Variants in TRNAU1AP observed in about 807,000 individuals in gnomAD.
TRNAU1AP encodes the protein tRNA selenocysteine 1 associated protein 1, also known as tRNA selenocysteine 1-associated protein 1.
In TRNAU1AP, 33 loss-of-function variants were observed where a neutral mutation model predicts 43.3. That is an observed-to-expected ratio of 0.76 (90% CI 0.58 to 1.02). TRNAU1AP has a LOEUF of 1.02. Among genes scored for constraint, TRNAU1AP ranks in the 50% least tolerant of loss-of-function variants. TRNAU1AP has a pLI of 0.00. For synonymous variants in TRNAU1AP, 143 were observed against 129.1 expected (o/e 1.11, Z -0.73); for missense variants, 290 against 362.7 (o/e 0.80, Z 1.63).
chr1:28,561,835 G>A (rs1456615521), intron 4 of TRNAU1AP, among the ~76,000 whole-genome samples: 2 of 152,178 alleles, frequency 1.3e-5, no homozygotes, highest in African/African-American at 4.8e-5. Context: ...CACTTTGGGA[G>A]GCCAAGGCGG....
intron 7 of TRNAU1AP, 81 bp from the exon 8 acceptor site, chr1:28,571,786 A>AAAAATAAAAAATAAAAT: frequency 9.9e-7 from 1 of 1,008,578 alleles, no homozygotes; most frequent in South Asian, 1.3e-5. Context: ...CCACCTCAAA[A>AAAAATAAAAAATAAAAT]AAAATAAAAA....
intron 7 of TRNAU1AP, 132 bp downstream of exon 7, chr1:28,571,470 A>G: frequency 1.1e-6 from 1 of 901,530 alleles, no homozygotes; most frequent in Admixed American, 2.6e-5. Flanking sequence ...GAAGCAGTCC[A>G]GTTCCTCTTG....
intron 4 of TRNAU1AP, 117 bp downstream of exon 4, chr1:28,561,515 C>T: frequency 1.8e-6 from 2 of 1,130,890 alleles, no homozygotes; most frequent in South Asian, 1.3e-5. Context: ...GGACGACGCT[C>T]TTCTCCCTTC....
rs772865642 is a variant in TRNAU1AP, at chr1:28,571,893, A to G, written c.720A>G (p.Ala240=). 1.2e-6 allele frequency: 2 copies of G among 1,613,468 alleles called. No homozygotes were observed. The highest frequency in any genetic ancestry group is 1.7e-6 in the Non-Finnish European group (2 of 1,179,592). ...CATATGAAGAAGTTGGAGATGATGC[A>G]TTGGAAGGTAAGGGTTCATACGTTC... ...MQTYEEVGDD[A]LEDPMPQLDV... is the part of the protein sequence containing the mutation. The change falls in exon 8 of 9, where the codon GCA becomes GCG. Residue 240 remains alanine (A), a synonymous_variant. Transcript: ENST00000373830.
chr1:28,577,315 T>C (rs938978842), intron 8 of TRNAU1AP, among the ~76,000 whole-genome samples, 185 bp from the exon 9 acceptor site: 1 of 152,166 alleles, frequency 6.6e-6, no homozygotes, highest in Admixed American at 6.5e-5. Flanking sequence ...ATTTTCCCAT[T>C]CTCTAGATAC....
At chr1:28,553,359 G>C in intron 1 of TRNAU1AP, 1 of 632,972 alleles carries the variant, frequency 1.6e-6, no homozygotes, top group South Asian at 2.1e-5. Flanking sequence ...GGGAGGGAAA[G>C]GTGGTGCTTT....
In TRNAU1AP at chr1:28,553,623, C is replaced by G. The variant is rs749510488; in HGVS notation, c.28-17C>G. ...CCGGCCGCCGGCCTGAGCCGCTGTG[C>G]TCTTGTTTTTACGCAGCTGGAACCC... is the stretch of plus-strand genomic sequence containing the variant. On this transcript the variant is annotated splice_polypyrimidine_tract_variant and intron_variant, in intron 1 of 8. Transcript: ENST00000373830. The G allele has an allele frequency of 1.9e-6, 3 of 1,612,602 alleles. No homozygotes were observed. The highest frequency in any genetic ancestry group is 2.5e-6 in the Non-Finnish European group (3 of 1,179,248).
chr1:28,576,824 CCCG>C (rs1665795711), intron 8 of TRNAU1AP, among the ~76,000 whole-genome samples: 2 of 152,194 alleles, frequency 1.3e-5, no homozygotes, highest in Non-Finnish European at 2.9e-5. Context: ...GTCTTGAACT[CCCG>C]ACTTCTGGTG....
chr1:28,561,965 A>C (rs148267167), intron 4 of TRNAU1AP, among the ~76,000 whole-genome samples: 2 of 149,448 alleles, frequency 1.3e-5, no homozygotes, highest in African/African-American at 2.6e-5. Flanking sequence ...CCAGCTACTC[A>C]GGAGGCTGAG....
At chr1:28,575,311 C>G (rs142532255) in intron 8 of TRNAU1AP, among the ~76,000 whole-genome samples, 7,453 of 151,996 alleles carry the variant, frequency 0.049, 599 homozygotes, top group African/African-American at 0.17. Context: ...CGCGCCACCA[C>G]GCCCAGCTAA....
intron 4 of TRNAU1AP, among the ~76,000 whole-genome samples, chr1:28,564,111 A>C (rs1665482055): frequency 6.6e-6 from 1 of 152,102 alleles, no homozygotes; most frequent in Non-Finnish European, 1.5e-5. Context: ...CTAAAAATAC[A>C]AAAGATTAGC....
intron 5 of TRNAU1AP, 94 bp from the exon 6 acceptor site, chr1:28,567,199 TC>T (rs1482616940): frequency 9.4e-6 from 13 of 1,384,048 alleles, no homozygotes; most frequent in Admixed American, 2.1e-5. Context: ...CTTTCTACAT[TC>T]CTGCCCACCT....
rs1000983116 is a variant in TRNAU1AP, at chr1:28,561,125, C to G, written c.226-221C>G. On this transcript the variant is annotated intron_variant, in intron 3 of 8. Transcript: ENST00000373830. ...GCTCTTCCCACAGTTACTTAGCTTACAGCTGCACCAGCTGGCACACCTGGG... is the reference window on the plus strand; with the variant it reads ...GCTCTTCCCACAGTTACTTAGCTTAGAGCTGCACCAGCTGGCACACCTGGG... 5.0e-6 allele frequency: 7 copies of G among 1,406,482 alleles called. No individual in the cohort carries two copies. In the African/African-American group the frequency reaches 8.7e-5, roughly 17 times the overall value. 87.1% of individuals were successfully genotyped at this position (1,406,482 alleles called of 1,614,324 possible). A position where few individuals can be genotyped will look rare whatever the true frequency, so the allele number is the denominator to read the frequency against.
chr1:28,561,219 GA>G, intron 3 of TRNAU1AP, 126 bp from the exon 4 acceptor site: 2 of 1,494,108 alleles, frequency 1.3e-6, no homozygotes, highest in Non-Finnish European at 1.8e-6. Context: ...TTATACAGGA[GA>G]AAAAGCTGAG....
intron 6 of TRNAU1AP, among the ~76,000 whole-genome samples, chr1:28,569,434 G>A (rs1032081126): frequency 4.0e-5 from 6 of 151,878 alleles, no homozygotes; most frequent in South Asian, 2.1e-4. Flanking sequence ...GCTCATGCCT[G>A]TAATCCCAGC....
intron 2 of TRNAU1AP, among the ~76,000 whole-genome samples, chr1:28,557,202 G>A (rs1440664053): frequency 2.0e-5 from 3 of 151,508 alleles, no homozygotes; most frequent in South Asian, 2.1e-4. Flanking sequence ...GGCGGATCAC[G>A]AGGTCAGGAG....
chr1:28,571,405 T>G, intron 7 of TRNAU1AP, 67 bp downstream of exon 7: 2 of 1,536,218 alleles, frequency 1.3e-6, no homozygotes, highest in African/African-American at 1.4e-5. Context: ...GGTCATTCTC[T>G]AGGATGGGAT....
intron 2 of TRNAU1AP, among the ~76,000 whole-genome samples, chr1:28,554,835 T>C (rs984699019): frequency 1.4e-5 from 2 of 138,174 alleles, no homozygotes; most frequent in African/African-American, 2.8e-5. Flanking sequence ...CAGCTGAGAC[T>C]CTGTCTCAAA....
chr1:28,560,232 T>C lies in TRNAU1AP; in HGVS notation c.126-401T>C, dbSNP rs76289242. Among the ~76,000 whole-genome samples, 795 of 151,428 alleles carry C rather than the reference T, an allele frequency of 5.3e-3. 4 individuals carry two copies. The highest frequency in any genetic ancestry group is 8.9e-3 in the Non-Finnish European group (607 of 67,980). Reference sequence around the variant, plus strand: ...GAACAAAAACAGTGTTGGCTCAGATTAGAAAAACATTTCTTTCTCCCTTCA... The same window carrying C: ...GAACAAAAACAGTGTTGGCTCAGATCAGAAAAACATTTCTTTCTCCCTTCA... On this transcript the variant is annotated intron_variant, in intron 2 of 8. Transcript: ENST00000373830.
Sources: allele counts gnomAD v4.1 joint callset (sites outside exome capture counted in the v4.1 genomes callset), GRCh38; gene constraint gnomAD v4.1.1; transcripts MANE v1.5; gene names NCBI Gene and HGNC (gene_info 2026-07-23, HGNC 2026-07-21).